CSMD3: variants seen among roughly 807,000 people sequenced by gnomAD.
The protein encoded by CSMD3 is CUB and sushi domain-containing protein 3.
A neutral mutation model predicts 435.2 loss-of-function variants in CSMD3; 177 were observed. That is an observed-to-expected ratio of 0.41 (90% CI 0.36 to 0.46). CSMD3 has a LOEUF of 0.46. CSMD3 is among the 20% of genes least tolerant of loss of function. The pLI, the probability that CSMD3 is intolerant of heterozygous loss-of-function variation, is 0.34. For missense variants in CSMD3, 4,265 were observed against 4,504.6 expected (o/e 0.95, Z 1.52); for synonymous variants, 1,656 against 1,520.5 (o/e 1.09, Z -2.07).
At chr8:112,438,622 C>CA (rs1252588252) in intron 32 of CSMD3, among the ~76,000 whole-genome samples, 7 of 151,990 alleles carry the variant, frequency 4.6e-5, no homozygotes, top group East Asian at 1.9e-4. Context: ...TACTGGCTTT[C>CA]AAAAAAATCT....
intron 28 of CSMD3, among the ~76,000 whole-genome samples, chr8:112,515,518 G>A (rs916933741): frequency 4.5e-4 from 68 of 152,036 alleles, no homozygotes; most frequent in Middle Eastern, 3.4e-3. Flanking sequence ...TTGTTTCCCC[G>A]GATCGTATGA....
intron 23 of CSMD3, among the ~76,000 whole-genome samples, chr8:112,585,422 T>G (rs1830650210): frequency 6.6e-6 from 1 of 150,538 alleles, no homozygotes; most frequent in African/African-American, 2.4e-5. Context: ...TTTTTTTTTC[T>G]GCCTTCTTTT....
At chr8:112,225,053 T>C (rs1339655759) in intron 70 of CSMD3, 123 bp from the exon 71 acceptor site, 2 of 937,942 alleles carry the variant, frequency 2.1e-6, no homozygotes, top group Non-Finnish European at 3.5e-6. Flanking sequence ...TGAGACATCA[T>C]AAACACACTA....
At chr8:112,281,481 G>T (rs1586641101) in intron 58 of CSMD3, 131 bp from the exon 59 acceptor site, 1 of 694,108 alleles carries the variant, frequency 1.4e-6, no homozygotes, top group Non-Finnish European at 2.5e-6. Context: ...AAGTAGTAAA[G>T]TATCTAGGTA....
intron 1 of CSMD3, chr8:113,376,767 G>A (rs554290334): frequency 6.2e-7 from 1 of 1,613,968 alleles, no homozygotes; most frequent in Non-Finnish European, 8.5e-7. Context: ...AAGCTGTACA[G>A]GTTTCCAGCA....
At chr8:112,889,549 G>A (rs2081718674) in intron 10 of CSMD3, among the ~76,000 whole-genome samples, 1 of 151,620 alleles carries the variant, frequency 6.6e-6, no homozygotes, top group African/African-American at 2.4e-5. Context: ...ATGGAAATGT[G>A]TGTCTTTTGT....
chr8:112,347,148 G>T (rs6469413), intron 40 of CSMD3, among the ~76,000 whole-genome samples: 59,475 of 151,794 alleles, frequency 0.39, 13,244 homozygotes, highest in Middle Eastern at 0.53. Context: ...TGCTTGTCTT[G>T]GAATCCCTAT....
At chr8:112,434,123 G>A (rs1461295717) in intron 32 of CSMD3, among the ~76,000 whole-genome samples, 3 of 152,250 alleles carry the variant, frequency 2.0e-5, no homozygotes, top group Admixed American at 1.3e-4. Context: ...TCCAGACAGT[G>A]TGAAGTGGTA....
At chr8:113,367,488 T>C (rs954629634) in intron 1 of CSMD3, among the ~76,000 whole-genome samples, 1 of 152,102 alleles carries the variant, frequency 6.6e-6, no homozygotes, top group Non-Finnish European at 1.5e-5. Context: ...ATTTACCTAT[T>C]ATAACTTAAA....
At chr8:113,342,925 A>C (rs757223579) in intron 1 of CSMD3, among the ~76,000 whole-genome samples, 1 of 152,114 alleles carries the variant, frequency 6.6e-6, no homozygotes, top group Non-Finnish European at 1.5e-5. Context: ...TAAATAGAAA[A>C]ATGCAACCCA....
chr8:113,364,244 ATT>A (rs74614093), intron 1 of CSMD3, among the ~76,000 whole-genome samples: 3 of 145,494 alleles, frequency 2.1e-5, no homozygotes, highest in Non-Finnish European at 3.0e-5. Flanking sequence ...ATTAGACTAA[ATT>A]TTTTTTTTTT....
intron 13 of CSMD3, among the ~76,000 whole-genome samples, chr8:112,781,283 G>C (rs540918156): frequency 6.6e-6 from 1 of 151,974 alleles, no homozygotes; most frequent in Non-Finnish European, 1.5e-5. Flanking sequence ...GTGGTAGCCC[G>C]GCAGTACTTA....
At chr8:112,607,228 A>G (rs7828154) in intron 22 of CSMD3, among the ~76,000 whole-genome samples, 87,178 of 151,386 alleles carry the variant, frequency 0.58, 25,699 homozygotes, top group African/African-American at 0.69. Flanking sequence ...CTAACAAATT[A>G]GATAACCTAG....
At chr8:112,523,160 C>T (rs182777860) in intron 27 of CSMD3, among the ~76,000 whole-genome samples, 1 of 151,944 alleles carries the variant, frequency 6.6e-6, no homozygotes, top group African/African-American at 2.4e-5. Flanking sequence ...TCTTGGATCT[C>T]ATACAGTTGG....
intron 4 of CSMD3, among the ~76,000 whole-genome samples, chr8:113,173,061 G>GA (rs1277411627): frequency 5.3e-5 from 8 of 152,098 alleles, no homozygotes; most frequent in African/African-American, 1.9e-4. Context: ...TCGTCTATCA[G>GA]AAAGATTTAG....
chr8:112,596,817 A>T (rs1343005319), intron 22 of CSMD3, among the ~76,000 whole-genome samples: 2 of 152,136 alleles, frequency 1.3e-5, no homozygotes, highest in African/African-American at 4.8e-5. Context: ...TTTGAAACCA[A>T]CGAGAACAAA....
intron 3 of CSMD3, among the ~76,000 whole-genome samples, chr8:113,229,947 T>A (rs2093067018): frequency 6.6e-6 from 1 of 151,576 alleles, no homozygotes; most frequent in Non-Finnish European, 1.5e-5. Context: ...CCATACCACG[T>A]GAAGAAAGGG....
intron 25 of CSMD3, among the ~76,000 whole-genome samples, chr8:112,554,237 A>T (rs757891964): frequency 6.6e-6 from 1 of 151,938 alleles, no homozygotes; most frequent in Admixed American, 6.6e-5. Flanking sequence ...AGAAAGAGAG[A>T]TATCCTATTG....
chr8:112,681,094 G>A (rs1439594066), intron 16 of CSMD3, among the ~76,000 whole-genome samples: 1 of 150,762 alleles, frequency 6.6e-6, no homozygotes, highest in Non-Finnish European at 1.5e-5. Flanking sequence ...GAGTGCAGTG[G>A]CGCGATCTCA....
Sources: gnomAD v4.1 joint callset for allele counts (sites outside exome capture counted in the v4.1 genomes callset) on GRCh38, gnomAD v4.1.1 for gene constraint, MANE v1.5 for transcripts, NCBI Gene and HGNC (gene_info 2026-07-23, HGNC 2026-07-21) for gene names.